The following BMAL2 variants were observed in gnomAD, a reference collection of about 807,000 sequenced individuals.
BMAL2 encodes basic helix-loop-helix ARNT like 2.
the BMAL2 span, among the ~76,000 whole-genome samples, chr12:27,380,761 G>A: frequency 7.2e-5 from 11 of 152,028 alleles, no homozygotes; most frequent in African/African-American, 2.2e-4. Flanking sequence ...TGTAATCCCC[G>A]TACTTTGGGA....
At chr12:27,376,975 T>G in the BMAL2 span, among the ~76,000 whole-genome samples, 2 of 114,838 alleles carry the variant, frequency 1.7e-5, no homozygotes, top group Non-Finnish European at 3.3e-5. Context: ...CACTCCAGCC[T>G]GGGCGACAGA....
At chr12:27,356,515 C>T in the BMAL2 span, among the ~76,000 whole-genome samples, 10 of 152,138 alleles carry the variant, frequency 6.6e-5, no homozygotes, top group Admixed American at 4.6e-4. Flanking sequence ...ATAGTCCATA[C>T]GCCTTCTTTT....
chr12:27,350,342 G>A, the BMAL2 span, among the ~76,000 whole-genome samples: 2 of 152,360 alleles, frequency 1.3e-5, no homozygotes, highest in African/African-American at 2.4e-5. Flanking sequence ...GTAGGCAGGT[G>A]ATGCTTGTGG....
the BMAL2 span, among the ~76,000 whole-genome samples, chr12:27,375,120 T>C: frequency 1.3e-5 from 2 of 152,208 alleles, no homozygotes; most frequent in Admixed American, 6.5e-5. Flanking sequence ...GGCCAGCCTT[T>C]CTTCAAAGCC....
chr12:27,389,814 T>G, the BMAL2 span: 1 of 261,686 alleles, frequency 3.8e-6, no homozygotes, highest in Non-Finnish European at 7.1e-6. Context: ...TTTTTTAATT[T>G]AATTTTTATT....
chr12:27,353,597 G>GT, the BMAL2 span, among the ~76,000 whole-genome samples: 4 of 152,074 alleles, frequency 2.6e-5, no homozygotes, highest in African/African-American at 9.7e-5. Context: ...AAACTAAAGA[G>GT]TTTCTACACA....
the BMAL2 span, among the ~76,000 whole-genome samples, chr12:27,346,404 G>T: frequency 6.6e-6 from 1 of 152,062 alleles, no homozygotes; most frequent in East Asian, 1.9e-4. Context: ...GGGACTACAG[G>T]TGCGCATGCC....
chr12:27,420,046 CACAA>C, the BMAL2 span, among the ~76,000 whole-genome samples: 37 of 151,916 alleles, frequency 2.4e-4, no homozygotes, highest in African/African-American at 8.9e-4. Context: ...CACACACACA[CACAA>C]ACATACACTA....
At chr12:27,356,763 T>C in the BMAL2 span, among the ~76,000 whole-genome samples, 1 of 152,142 alleles carries the variant, frequency 6.6e-6, no homozygotes, top group Admixed American at 6.6e-5. Flanking sequence ...AGCATTTATT[T>C]TTTATTTCCA....
chr12:27,384,837 G>A, the BMAL2 span, among the ~76,000 whole-genome samples: 4 of 152,118 alleles, frequency 2.6e-5, no homozygotes, highest in East Asian at 7.7e-4. Flanking sequence ...TGGACCACAG[G>A]TAACTGAAAC....
chr12:27,381,026 A>G, the BMAL2 span, among the ~76,000 whole-genome samples: 2 of 152,208 alleles, frequency 1.3e-5, no homozygotes, highest in African/African-American at 4.8e-5. Context: ...TAAGTTATTG[A>G]GAGATTTCTA....
chr12:27,418,145 A>G, the BMAL2 span: 1 of 1,613,528 alleles, frequency 6.2e-7, no homozygotes, highest in Non-Finnish European at 8.5e-7. Context: ...GCTAGAGGCT[A>G]CCAGGCAAAA....
chr12:27,379,944 C>A, the BMAL2 span, among the ~76,000 whole-genome samples: 1 of 152,144 alleles, frequency 6.6e-6, no homozygotes, highest in Non-Finnish European at 1.5e-5. Flanking sequence ...GAAGGGCACC[C>A]ATCTCTTCTC....
chr12:27,376,336 T>C, the BMAL2 span: 1 of 1,612,494 alleles, frequency 6.2e-7, no homozygotes, highest in Non-Finnish European at 8.5e-7. Context: ...TTTATCCTGC[T>C]TTTTTGTAGA....
At chr12:27,390,454 G>T in the BMAL2 span, 1 of 484,628 alleles carries the variant, frequency 2.1e-6, no homozygotes, top group South Asian at 2.7e-5. Flanking sequence ...TGTTGCCCAA[G>T]ATTTTAATGG....
chr12:27,419,331 T>C, the BMAL2 span, among the ~76,000 whole-genome samples: 1 of 152,068 alleles, frequency 6.6e-6, no homozygotes, highest in Non-Finnish European at 1.5e-5. Flanking sequence ...AGTCCAAGAG[T>C]ATAGTGCAGG....
the BMAL2 span, among the ~76,000 whole-genome samples, chr12:27,418,645 C>T: frequency 3.3e-5 from 5 of 149,266 alleles, no homozygotes; most frequent in Admixed American, 6.7e-5. Context: ...TTTTTTTGTT[C>T]GAAATTCTAA....
At chr12:27,350,506 C>T in the BMAL2 span, among the ~76,000 whole-genome samples, 2 of 152,180 alleles carry the variant, frequency 1.3e-5, no homozygotes, top group Non-Finnish European at 2.9e-5. Context: ...AGTGGCTCAA[C>T]AAGGTCTTGT....
chr12:27,363,639 C>T, the BMAL2 span, among the ~76,000 whole-genome samples: 1 of 152,132 alleles, frequency 6.6e-6, no homozygotes, highest in East Asian at 1.9e-4. Context: ...GTTATTTTAT[C>T]CAGTTTTCTA....
Sources: gnomAD v4.1 joint callset for allele counts (sites outside exome capture counted in the v4.1 genomes callset) on GRCh38, gnomAD v4.1.1 for gene constraint, MANE v1.5 for transcripts, NCBI Gene and HGNC (gene_info 2026-07-23, HGNC 2026-07-21) for gene names.